The following CFAP54 variants were observed in gnomAD, a reference collection of about 807,000 sequenced individuals.
The protein encoded by CFAP54 is cilia and flagella associated protein 54.
A neutral mutation model predicts 370.4 loss-of-function variants in CFAP54; 290 were observed. That is an observed-to-expected ratio of 0.78 (90% CI 0.71 to 0.86). The LOEUF is 0.86. Ranked by LOEUF, CFAP54 falls within the 40% of genes least tolerant of loss-of-function variation. The probability of loss-of-function intolerance (pLI) is 0.00; values close to 1 mark genes in which losing one functional copy is unlikely to be tolerated. For synonymous variants in CFAP54, 1,206 were observed against 1,236.5 expected (o/e 0.98, Z 0.52); for missense variants, 3,399 against 3,528.7 (o/e 0.96, Z 0.93).
intron 39 of CFAP54, among the ~76,000 whole-genome samples, chr12:96,668,368 AG>A (rs1359328889): frequency 6.6e-6 from 1 of 152,222 alleles, no homozygotes; most frequent in Admixed American, 6.5e-5. Context: ...TAATTTATAA[AG>A]AAAAAGAAGT....
At chr12:96,784,682 A>G in intron 60 of CFAP54, 35 bp from the exon 61 acceptor site, 1 of 1,410,860 alleles carries the variant, frequency 7.1e-7, no homozygotes, top group South Asian at 1.4e-5. Flanking sequence ...GCATAATATA[A>G]TATTGTATTA....
At chr12:96,651,477 G>A (rs1193953865) in intron 35 of CFAP54, 111 bp from the exon 36 acceptor site, 1 of 807,356 alleles carries the variant, frequency 1.2e-6, no homozygotes, top group African/African-American at 1.7e-5. Flanking sequence ...CCTAACAAAT[G>A]ATGTTAGTTA....
chr12:96,567,566 T>C (rs1955875519), intron 19 of CFAP54, among the ~76,000 whole-genome samples: 1 of 152,212 alleles, frequency 6.6e-6, no homozygotes, highest in African/African-American at 2.4e-5. Context: ...GATGCTTCCA[T>C]GGCTGTTTGC....
At chr12:96,714,505 T>C (rs1171773531) in intron 48 of CFAP54, among the ~76,000 whole-genome samples, 9 of 152,090 alleles carry the variant, frequency 5.9e-5, no homozygotes, top group Admixed American at 5.9e-4. Context: ...CTTGGGTTCA[T>C]CAGCAAGAGG....
intron 1 of CFAP54, among the ~76,000 whole-genome samples, chr12:96,500,536 G>T (rs1955014348): frequency 6.6e-6 from 1 of 152,110 alleles, no homozygotes; most frequent in Admixed American, 6.6e-5. Flanking sequence ...GTGCATGTTT[G>T]GGGGCACAGG....
chr12:96,851,066 T>C (rs1268467177), intron 66 of CFAP54, among the ~76,000 whole-genome samples: 1 of 152,264 alleles, frequency 6.6e-6, no homozygotes, highest in Non-Finnish European at 1.5e-5. Context: ...AGAAATACTT[T>C]ACCTTTTAAT....
chr12:96,644,254 G>GT lies in CFAP54; in HGVS notation c.4395dup (p.Lys1466Ter), dbSNP rs1441791312. ...CTTGAATCCTCTAATATTAAGTTAT[G>GT]TTAAAAGAAAGAGGTTCCATCGTCT... On this transcript the variant is annotated frameshift_variant, in exon 33 of 68. Transcript: ENST00000524981. LOFTEE classifies it high-confidence loss of function. 4 of 1,535,746 alleles carry GT rather than the reference G, an allele frequency of 2.6e-6. No individual in the cohort carries two copies. Among genetic ancestry groups the GT allele is most frequent in the Non-Finnish European group, 3.5e-6 (4 of 1,146,738 alleles).
intron 40 of CFAP54, among the ~76,000 whole-genome samples, chr12:96,681,844 C>A (rs1957276770): frequency 6.6e-6 from 1 of 152,102 alleles, no homozygotes; most frequent in Non-Finnish European, 1.5e-5. Flanking sequence ...GGTGATCCAC[C>A]CGCCTCTGCC....
At chr12:96,611,136 C>A (rs916806227) in intron 26 of CFAP54, among the ~76,000 whole-genome samples, 1 of 152,234 alleles carries the variant, frequency 6.6e-6, no homozygotes, top group African/African-American at 2.4e-5. Flanking sequence ...GAGGCACCCC[C>A]CAGTAGGGGC....
chr12:96,733,983 G>A (rs962053764), intron 50 of CFAP54, among the ~76,000 whole-genome samples: 5 of 152,182 alleles, frequency 3.3e-5, no homozygotes, highest in Admixed American at 6.5e-5. Context: ...AGAAATGTGT[G>A]TAGCTTTGAG....
chr12:96,714,991 G>A (rs1462412710), intron 48 of CFAP54, among the ~76,000 whole-genome samples: 1 of 152,166 alleles, frequency 6.6e-6, no homozygotes, highest in Non-Finnish European at 1.5e-5. Flanking sequence ...ACAAGTTGAA[G>A]GGCAGAGTGT....
In CFAP54 at chr12:96,594,304, T is replaced by G. The variant is rs747111787; in HGVS notation, c.3374T>G (p.Ile1125Ser). 1 of 1,531,244 alleles carries G rather than the reference T, an allele frequency of 6.5e-7. No individual in the cohort carries two copies. Among genetic ancestry groups the G allele is most frequent in the Admixed American group, 2.0e-5 (1 of 50,936 alleles). 94.9% of individuals were successfully genotyped at this position (1,531,244 alleles called of 1,614,324 possible). Residue 1125 changes from isoleucine (I) to serine (S), a missense_variant, in exon 25 of 68, where the codon ATT (isoleucine) becomes AGT (serine). Transcript: ENST00000524981. ...IFPSQQIARLIECERVLVALE... is the reference protein window; with the variant it reads ...IFPSQQIARLSECERVLVALE... ...GTTTCTTTACAGATTGCCAGACTGA[T>G]TGAATGTGAGAGAGTATTAGTGGCA...
At chr12:96,863,153 T>TTGGATGGA (rs10537908) in intron 67 of CFAP54, among the ~76,000 whole-genome samples, 2,435 of 148,224 alleles carry the variant, frequency 0.016, 25 homozygotes, top group East Asian at 0.034. Context: ...TCTATATTTG[T>TTGGATGGA]TGGATGGATG....
At position 96,631,528 on chromosome 12, in the gene CFAP54, C is replaced by T. The variant is rs73376002; in HGVS notation, c.4316+877C>T. Among the ~76,000 whole-genome samples, 608 of 151,286 alleles carry T rather than the reference C, an allele frequency of 4.0e-3. 6 individuals are homozygous for T. Among genetic ancestry groups the T allele is most frequent in the African/African-American group, 0.014 (582 of 41,382 alleles). ...ATGTTTGTGATTTTTTGAAATGTCA[C>T]TTATACGTAAGTCTACTTTATTAAT... On this transcript the variant is annotated intron_variant, in intron 32 of 67. Coordinates refer to ENST00000524981, the MANE Select transcript of CFAP54 (RefSeq NM_001306084.2).
At chr12:96,519,383 G>T (rs1339502271) in intron 6 of CFAP54, among the ~76,000 whole-genome samples, 33 of 152,288 alleles carry the variant, frequency 2.2e-4, no homozygotes, top group Middle Eastern at 3.4e-3. Context: ...ACAGGCGTGA[G>T]CCACTGTGTC....
At chr12:96,846,576 T>C (rs1030361168) in intron 66 of CFAP54, among the ~76,000 whole-genome samples, 1 of 152,212 alleles carries the variant, frequency 6.6e-6, no homozygotes, top group Non-Finnish European at 1.5e-5. Context: ...TAAGTCTGAA[T>C]ATGTACGGCC....
At chr12:96,690,302 A>T (rs1180416263) in intron 43 of CFAP54, among the ~76,000 whole-genome samples, 1 of 152,220 alleles carries the variant, frequency 6.6e-6, no homozygotes. Flanking sequence ...TTAGAATAGG[A>T]TATCTCATGA....
intron 1 of CFAP54, among the ~76,000 whole-genome samples, chr12:96,498,545 C>T (rs895993286): frequency 5.3e-5 from 8 of 152,078 alleles, no homozygotes; most frequent in African/African-American, 1.7e-4. Flanking sequence ...CCCAGCTACT[C>T]GGGAGGCTGA....
intron 50 of CFAP54, among the ~76,000 whole-genome samples, chr12:96,730,513 GA>G (rs1404720497): frequency 2.0e-5 from 3 of 152,138 alleles, no homozygotes; most frequent in Admixed American, 6.5e-5. Context: ...AAAAGGAACA[GA>G]TGAATTTGGA....
Sources: gnomAD v4.1 joint callset for allele counts (sites outside exome capture counted in the v4.1 genomes callset) on GRCh38, gnomAD v4.1.1 for gene constraint, MANE v1.5 for transcripts, NCBI Gene and HGNC (gene_info 2026-07-23, HGNC 2026-07-21) for gene names.